CARMIL3: variants seen among roughly 807,000 people sequenced by gnomAD.
CARMIL3 encodes capping protein, Arp2/3 and myosin-I linker protein 3.
Under a neutral mutation model 180.8 loss-of-function variants are expected in CARMIL3, and 88 were observed. The observed-to-expected ratio is 0.49, with a 90% CI of 0.41 to 0.58. The LOEUF (loss-of-function observed/expected upper bound fraction) is 0.58. CARMIL3 is among the 20% of genes least tolerant of loss of function. CARMIL3 has a pLI of 0.00. For synonymous variants in CARMIL3, 696 were observed against 714.5 expected, an observed-to-expected ratio of 0.97 and a Z score of 0.41; for missense variants, 1,548 against 1,787.0, an observed-to-expected ratio of 0.87 and a Z score of 2.41.
chr14:24,058,867 G>A lies in CARMIL3; in HGVS notation c.1475-23G>A. Reference sequence around the variant, plus strand: ...CAGTCAGCCTCAGGCCTCCAGGCCAGGCCTCTCCCATCTGCTCACCAGGGT... The same window carrying A: ...CAGTCAGCCTCAGGCCTCCAGGCCAAGCCTCTCCCATCTGCTCACCAGGGT... On this transcript the variant is annotated intron_variant, in intron 18 of 39. Coordinates refer to ENST00000342740, the MANE Select transcript of CARMIL3 (RefSeq NM_138360.4). This position sits in a 1 kb window ranked among gnomAD's most constrained non-coding sequence, Gnocchi z 6.4. 6.2e-7 allele frequency: 1 copy of A among 1,614,082 alleles called. No individual in the cohort carries two copies. Among genetic ancestry groups the A allele is most frequent in the African/African-American group, 1.3e-5 (1 of 75,056 alleles).
chr14:24,065,645 G>T lies in CARMIL3; in HGVS notation c.3420G>T (p.Gly1140=), dbSNP rs777834451. The T allele has an allele frequency of 6.2e-7, 1 of 1,613,326 alleles. No homozygotes were observed. The highest frequency in any genetic ancestry group is 8.5e-7 in the Non-Finnish European group (1 of 1,179,618). The change falls in exon 34 of 40, where the codon GGG becomes GGT. Residue 1140 remains glycine (G), a synonymous_variant. Coordinates refer to ENST00000342740, the MANE Select transcript of CARMIL3 (RefSeq NM_138360.4). The part of the protein sequence containing the change: ...RKMGTEGSEP[G]EGGPAPGTAQ... The stretch of plus-strand genomic sequence containing the variant: ...AGGGCACTGAGGGGTCAGAGCCAGG[G>T]GAGGGGGGCCCAGCCCCTGGGACAG...
At chr14:24,063,285 C>T (rs772945078) in intron 30 of CARMIL3, 40 bp from the exon 31 acceptor site, 1 of 1,590,682 alleles carries the variant, frequency 6.3e-7, no homozygotes, top group South Asian at 1.1e-5. Context: ...GCTTTCTCCC[C>T]ATTCCTCTGC....
chr14:24,053,252 C>T (rs987745209), intron 1 of CARMIL3, among the ~76,000 whole-genome samples: 1 of 152,124 alleles, frequency 6.6e-6, no homozygotes, highest in Non-Finnish European at 1.5e-5. Context: ...CTGACATCTC[C>T]AGGAGGCATG....
chr14:24,056,362 C>T lies in CARMIL3; in HGVS notation c.834C>T (p.Leu278=). 1 of 1,613,886 alleles carries T rather than the reference C, an allele frequency of 6.2e-7. No homozygotes were observed. The highest frequency in any genetic ancestry group is 8.5e-7 in the Non-Finnish European group (1 of 1,179,874). The part of the protein sequence containing the change: ...GENGSCVLHA[L]TLSHNPIEDK... ...ACGGGAGCTGTGTGCTGCATGCCCT[C>T]ACTCTGTCCCACAACCCCATCGAGG... The change falls in exon 11 of 40, where the codon CTC becomes CTT. Residue 278 remains leucine (L), a synonymous_variant. Transcript: ENST00000342740.
rs745596287 is a variant in CARMIL3, at chr14:24,056,617, C to T, written c.866-5C>T. 1.4e-5 allele frequency: 22 copies of T among 1,613,850 alleles called. No individual in the cohort carries two copies. The South Asian group carries it at 2.4e-4, about 18-fold the overall frequency. On this transcript the variant is annotated splice_polypyrimidine_tract_variant and splice_region_variant and intron_variant, in intron 11 of 39. Coordinates refer to ENST00000342740, the MANE Select transcript of CARMIL3 (RefSeq NM_138360.4). ...ACTGGGCCCGTTTCTCTCTCCACTCCCCAGGTTTTCTCAGTCTGAGCCAGC... is the reference window on the plus strand; with the variant it reads ...ACTGGGCCCGTTTCTCTCTCCACTCTCCAGGTTTTCTCAGTCTGAGCCAGC...
chr14:24,058,732 G>C lies in CARMIL3; in HGVS notation c.1445G>C (p.Cys482Ser). The C allele has an allele frequency of 2.5e-6, 4 of 1,614,162 alleles. No homozygotes were observed. The highest frequency in any genetic ancestry group is 3.4e-6 in the Non-Finnish European group (4 of 1,180,016). Residue 482 changes from cysteine (C) to serine (S), a missense_variant, in exon 18 of 40, where the codon TGT becomes TCT. Coordinates refer to ENST00000342740, the MANE Select transcript of CARMIL3 (RefSeq NM_138360.4). This position sits in a 1 kb window ranked among gnomAD's most constrained non-coding sequence, Gnocchi z 6.4. ...CAGGAGCAGCTGGGAGCTGTCACCT[G>C]TGTAGGCAGCCTGGATCTGTCAGAC... ...ALQEQLGAVT[C>S]VGSLDLSDNG...
chr14:24,060,963 G>C lies in CARMIL3; in HGVS notation c.2227G>C (p.Ala743Pro). Residue 743 changes from alanine to proline, a missense_variant, in exon 26 of 40, where the codon GCC becomes CCC. Around this residue, in one of 4 missense-constraint regions of CARMIL3, gnomAD observed 297 missense variants for 415.9 expected, o/e 0.71. Coordinates refer to ENST00000342740, the MANE Select transcript of CARMIL3 (RefSeq NM_138360.4). ...PSLYELGHVL[A>P]NDGPVRQRLE... is the part of the protein sequence containing the mutation. ...CCTCTATGAGCTGGGCCACGTGCTG[G>C]CCAATGATGGGCCTGTGCGGCAGAG... 6.4e-7 allele frequency: 1 copy of C among 1,551,728 alleles called. No homozygotes were observed. Among genetic ancestry groups the C allele is most frequent in the Middle Eastern group, 1.7e-4 (1 of 5,992 alleles).
rs369726054 is a variant in CARMIL3, at chr14:24,054,459, C to G, written c.310C>G (p.Gln104Glu). 2.5e-6 allele frequency: 4 copies of G among 1,614,158 alleles called. No homozygotes were observed. The South Asian group carries it at 3.3e-5, about 13-fold the overall frequency. Residue 104 changes from glutamine to glutamate, a missense_variant, in exon 5 of 40, where the codon CAG becomes GAG. Physicochemically the swap from Gln to Glu is conservative, Grantham distance 29. Around this residue, in one of 4 missense-constraint regions of CARMIL3, gnomAD observed 578 missense variants for 666.5 expected, o/e 0.87. Transcript: ENST00000342740. The surrounding 1 kb of genome is among the most constrained non-coding windows in gnomAD (Gnocchi z 5.1). The stretch of plus-strand genomic sequence containing the variant: ...ACTGCCATCAGCTGAAAGTGTGGAC[C>G]AGGTGACACGACATGTGAGCTCTGC... ...MRLPSAESVD[Q>E]VTRHVSSALS...
In CARMIL3 at chr14:24,063,375, C is replaced by G. The variant is rs1278358000; in HGVS notation, c.2821C>G (p.Pro941Ala). The part of the protein sequence containing the change: ...ESQLGNLGIP[P>A]GWFSGLGGSQ... ...CCAACTGGGGAATCTGGGGATCCCCCCTGGCTGGTTCTCAGGACTTGGGGG... is the reference window on the plus strand; with the variant it reads ...CCAACTGGGGAATCTGGGGATCCCCGCTGGCTGGTTCTCAGGACTTGGGGG... The change falls in exon 31 of 40, where the codon CCT becomes GCT. Residue 941 changes from proline to alanine, a missense_variant. Pro to Ala is a conservative substitution (Grantham distance 27). Around this residue, in one of 4 missense-constraint regions of CARMIL3, gnomAD observed 668 missense variants for 687.8 expected, o/e 0.97. Coordinates refer to ENST00000342740, the MANE Select transcript of CARMIL3 (RefSeq NM_138360.4). 8.1e-6 allele frequency: 13 copies of G among 1,612,360 alleles called. No homozygotes were observed. In the Admixed American group the frequency reaches 2.0e-4, roughly 25 times the overall value.
chr14:24,065,129 C>T lies in CARMIL3; in HGVS notation c.3252C>T (p.Pro1084=). The change falls in exon 33 of 40, where the codon CCC becomes CCT. Residue 1084 remains proline, a synonymous_variant. Transcript: ENST00000342740. ...TTGLLLPPPP[P]PPPTQESPPS... The stretch of plus-strand genomic sequence containing the variant: ...GACTCCTCCTCCCTCCACCCCCACC[C>T]CCTCCCCCGACTCAGGAGAGCCCCC... The T allele has an allele frequency of 6.8e-7, 1 of 1,462,294 alleles. No homozygotes were observed. Among genetic ancestry groups the T allele is most frequent in the East Asian group, 2.6e-5 (1 of 38,896 alleles). 90.6% of individuals were successfully genotyped at this position (1,462,294 alleles called of 1,614,324 possible).
At chr14:24,064,093 C>CAA (rs564964326) in intron 31 of CARMIL3, among the ~76,000 whole-genome samples, 153 bp from the exon 32 acceptor site, 665 of 64,136 alleles carry the variant, frequency 0.01, 12 homozygotes, top group African/African-American at 0.038. Flanking sequence ...GACTCCGTCT[C>CAA]AAAAAAAAAA....
intron 36 of CARMIL3, among the ~76,000 whole-genome samples, chr14:24,067,196 A>G (rs1406541817): frequency 6.6e-6 from 1 of 152,210 alleles, no homozygotes; most frequent in Admixed American, 6.5e-5. Context: ...GCGACCTTAA[A>G]CAAGTCATTT....
chr14:24,064,169 G>T lies in CARMIL3; in HGVS notation c.2980-77G>T, dbSNP rs555367388. 7.5e-5 allele frequency: 70 copies of T among 934,150 alleles called. No individual in the cohort carries two copies. In the South Asian group the frequency reaches 9.8e-4, roughly 13 times the overall value. 57.9% of individuals were successfully genotyped at this position (934,150 alleles called of 1,614,324 possible). On this transcript the variant is annotated intron_variant, in intron 31 of 39. Transcript: ENST00000342740. ...ATTTCCATAAATGTCCAAGCCCAAA[G>T]GGGAATGCTCTGAGTGGATGGGAGG...
rs144015293 is a variant in CARMIL3 at position 24,066,410 on chromosome 14, G to A, written c.3538G>A (p.Asp1180Asn). 5.6e-5 allele frequency: 91 copies of A among 1,614,204 alleles called. No homozygotes were observed. The African/African-American group carries it at 1.1e-3, about 20-fold the overall frequency. The change falls in exon 35 of 40, where the codon GAC becomes AAC. Residue 1180 changes from aspartate to asparagine, a missense_variant. Physicochemically the swap from Asp to Asn is conservative, Grantham distance 23. Transcript: ENST00000342740. Reference sequence around the variant, plus strand: ...ACTGTTCTTTCAGGGCCCAGGCCCAGACCAGGAGGGCAGCACCCAGGCCTG... The same window carrying A: ...ACTGTTCTTTCAGGGCCCAGGCCCAAACCAGGAGGGCAGCACCCAGGCCTG... ...FDGKREGPGP[D>N]QEGSTQAWQK...
intron 1 of CARMIL3, among the ~76,000 whole-genome samples, chr14:24,052,767 C>G (rs1240455573): frequency 6.6e-6 from 1 of 152,242 alleles, no homozygotes; most frequent in Non-Finnish European, 1.5e-5. Context: ...TCGCCTCCCA[C>G]AGCCCCGTCC....
intron 36 of CARMIL3, among the ~76,000 whole-genome samples, chr14:24,067,684 T>C (rs1239113971): frequency 6.6e-6 from 1 of 152,168 alleles, no homozygotes; most frequent in Non-Finnish European, 1.5e-5. Flanking sequence ...ACAGGCTAAT[T>C]AAAGCGCCCC....
intron 38 of CARMIL3, 23 bp from the exon 39 acceptor site, chr14:24,069,114 G>A (rs1177514760): frequency 6.2e-7 from 1 of 1,613,198 alleles, no homozygotes; most frequent in South Asian, 1.1e-5. Context: ...CCTGTGTTAG[G>A]CCTGCCTTGA....
rs1234714573 is a variant in CARMIL3, at chr14:24,065,621, G to T, written c.3397-1G>T. The T allele has an allele frequency of 6.2e-7, 1 of 1,606,288 alleles. No homozygotes were observed. The highest frequency in any genetic ancestry group is 1.3e-5 in the African/African-American group (1 of 74,408). On this transcript the variant is annotated splice_acceptor_variant, in intron 33 of 39. Coordinates refer to ENST00000342740, the MANE Select transcript of CARMIL3 (RefSeq NM_138360.4). LOFTEE classifies it high-confidence loss of function. ...CTAATAAATAAGAGACCTTGTTCTAGGGCACTGAGGGGTCAGAGCCAGGGG... is the reference window on the plus strand; with the variant it reads ...CTAATAAATAAGAGACCTTGTTCTATGGCACTGAGGGGTCAGAGCCAGGGG...
chr14:24,055,115 C>G lies in CARMIL3; in HGVS notation c.510C>G (p.His170Gln). 1 of 1,613,968 alleles carries G rather than the reference C, an allele frequency of 6.2e-7. No individual in the cohort carries two copies. Among genetic ancestry groups the G allele is most frequent in the African/African-American group, 1.3e-5 (1 of 75,040 alleles). Residue 170 changes from histidine to glutamine, a missense_variant, in exon 7 of 40, where the codon CAC (histidine) becomes CAG (glutamine). Physicochemically the swap from His to Gln is conservative, Grantham distance 24 (BLOSUM62 0). Transcript: ENST00000342740. Reference protein sequence around the residue: ...YAALCDYNGLHCREEVQWDVD... With the variant: ...YAALCDYNGLQCREEVQWDVD... ...CTCTGTGTGACTACAATGGGCTACA[C>G]TGCCGTGAGGAGGTTCAATGGGTAT... is the stretch of plus-strand genomic sequence containing the variant.
Sources: gnomAD v4.1 joint callset for allele counts (sites outside exome capture counted in the v4.1 genomes callset) on GRCh38, gnomAD v4.1.1 for gene constraint, gnomAD v4.1.1 regional missense constraint, Gnocchi (gnomAD v3.1) non-coding constraint, MANE v1.5 for transcripts, NCBI Gene and HGNC (gene_info 2026-07-23, HGNC 2026-07-21) for gene names.